MTREX: variants seen among roughly 807,000 people sequenced by gnomAD.
MTREX encodes Mtr4 exosome RNA helicase.
In MTREX, 76 loss-of-function variants were observed where a neutral mutation model predicts 135.4. The ratio of observed to expected loss-of-function variants is 0.56; its 90% CI spans 0.47 to 0.68. The LOEUF (loss-of-function observed/expected upper bound fraction) is 0.68. Ranked by LOEUF, MTREX falls within the 30% of genes least tolerant of loss-of-function variation. The probability of loss-of-function intolerance (pLI) is 0.00; values close to 1 mark genes in which losing one functional copy is unlikely to be tolerated. For synonymous variants in MTREX, 404 were observed against 401.6 expected, an observed-to-expected ratio of 1.01 and a Z score of -0.07; for missense variants, 920 against 1,262.1, an observed-to-expected ratio of 0.73 and a Z score of 4.11.
chr5:55,327,348 G>C (rs1749399435), intron 3 of MTREX, among the ~76,000 whole-genome samples: 1 of 151,938 alleles, frequency 6.6e-6, no homozygotes, highest in African/African-American at 2.4e-5. Flanking sequence ...GCCATTCCCT[G>C]TCAGCATATG....
At chr5:55,353,292 C>A in intron 14 of MTREX, 23 bp downstream of exon 14, 1 of 1,495,204 alleles carries the variant, frequency 6.7e-7, no homozygotes, top group Non-Finnish European at 9.2e-7. Context: ...ATTCATATAT[C>A]AAAATAATTT....
At chr5:55,341,096 A>G (rs1749641454) in intron 6 of MTREX, among the ~76,000 whole-genome samples, 2 of 152,226 alleles carry the variant, frequency 1.3e-5, no homozygotes, top group Admixed American at 1.3e-4. Context: ...AGAACCAGCC[A>G]AAAGCATTGC....
chr5:55,382,543 T>C (rs1486247053), intron 18 of MTREX, among the ~76,000 whole-genome samples: 1 of 152,212 alleles, frequency 6.6e-6, no homozygotes. Context: ...AATCCAGCAA[T>C]ACATTATTAT....
chr5:55,384,287 T>C (rs574212539), intron 18 of MTREX, among the ~76,000 whole-genome samples: 1 of 152,352 alleles, frequency 6.6e-6, no homozygotes, highest in East Asian at 1.9e-4. Context: ...AGATCTACTG[T>C]TGGGCTCCTC....
At chr5:55,327,142 G>C (rs1345681244) in intron 3 of MTREX, among the ~76,000 whole-genome samples, 1 of 152,184 alleles carries the variant, frequency 6.6e-6, no homozygotes, top group Non-Finnish European at 1.5e-5. Flanking sequence ...ATTGTGAATA[G>C]TGCTGCAATG....
intron 5 of MTREX, among the ~76,000 whole-genome samples, chr5:55,339,267 T>G: frequency 6.6e-6 from 1 of 152,234 alleles, no homozygotes; most frequent in Non-Finnish European, 1.5e-5. Flanking sequence ...CATTTCTGTA[T>G]TTTCTTTTTG....
At chr5:55,376,583 T>C (rs10471943) in intron 16 of MTREX, among the ~76,000 whole-genome samples, 21,324 of 152,194 alleles carry the variant, frequency 0.14, 1,887 homozygotes, top group East Asian at 0.26. Context: ...TTTTAGAATT[T>C]GCTGTAGCAC....
intron 21 of MTREX, among the ~76,000 whole-genome samples, chr5:55,403,207 A>AAAAAAC (rs892950529): frequency 1.3e-5 from 2 of 152,090 alleles, no homozygotes; most frequent in African/African-American, 4.8e-5. Flanking sequence ...TCTCTTTAAA[A>AAAAAAC]AAAAACAAAA....
chr5:55,395,793 T>C (rs1202513019), intron 19 of MTREX, among the ~76,000 whole-genome samples: 2 of 152,142 alleles, frequency 1.3e-5, no homozygotes, highest in Non-Finnish European at 2.9e-5. Flanking sequence ...TTTTATAAAA[T>C]AACCTATATT....
At chr5:55,345,236 A>G (rs1304510446) in intron 10 of MTREX, 40 bp downstream of exon 10, 6 of 1,285,042 alleles carry the variant, frequency 4.7e-6, no homozygotes, top group Non-Finnish European at 6.8e-6. Flanking sequence ...TTACATGTAA[A>G]TTGTATATTC....
intron 14 of MTREX, among the ~76,000 whole-genome samples, chr5:55,355,141 C>A (rs1442737140): frequency 6.6e-6 from 1 of 152,114 alleles, no homozygotes; most frequent in African/African-American, 2.4e-5. Context: ...CACAAAGCAA[C>A]CCTTTCCTTC....
At chr5:55,337,282 A>G (rs981518148) in intron 5 of MTREX, among the ~76,000 whole-genome samples, 9 of 151,856 alleles carry the variant, frequency 5.9e-5, no homozygotes, top group Admixed American at 5.9e-4. Flanking sequence ...TACCACACCC[A>G]GCTAATTTTT....
chr5:55,377,188 A>G (rs944725747), intron 16 of MTREX, among the ~76,000 whole-genome samples: 11 of 152,098 alleles, frequency 7.2e-5, no homozygotes, highest in South Asian at 6.2e-4. Flanking sequence ...TTAGCTGGGC[A>G]TGGTAGCGGG....
intron 5 of MTREX, among the ~76,000 whole-genome samples, chr5:55,338,285 G>C (rs1226261032): frequency 2.0e-5 from 3 of 152,050 alleles, no homozygotes; most frequent in Non-Finnish European, 4.4e-5. Context: ...GTTCCTGGTT[G>C]ACCGATTTTT....
chr5:55,309,283 G>T (rs976900701), intron 1 of MTREX, among the ~76,000 whole-genome samples: 7 of 152,140 alleles, frequency 4.6e-5, no homozygotes, highest in African/African-American at 1.2e-4. Context: ...GAGGAGTTTT[G>T]ATTTCATTTT....
intron 13 of MTREX, among the ~76,000 whole-genome samples, chr5:55,352,553 T>C (rs1179523475): frequency 6.6e-6 from 1 of 152,188 alleles, no homozygotes; most frequent in Non-Finnish European, 1.5e-5. Context: ...AAAAAAGTCA[T>C]TATACTACCC....
At chr5:55,352,760 C>T (rs938396560) in intron 13 of MTREX, among the ~76,000 whole-genome samples, 6 of 152,156 alleles carry the variant, frequency 3.9e-5, no homozygotes, top group Non-Finnish European at 1.5e-5. Context: ...ATTACAGAGT[C>T]AGTGATTCTA....
In MTREX at chr5:55,328,754, A is replaced by G. The variant is rs1749421893; in HGVS notation, c.458A>G (p.Asn153Ser). 6.8e-6 allele frequency: 11 copies of G among 1,613,736 alleles called. No homozygotes were observed. Among genetic ancestry groups the G allele is most frequent in the Non-Finnish European group, 8.5e-6 (10 of 1,179,732 alleles). ...AGAGAGGCCATTCAGTGTGTTGACA[A>G]TAATCAGTCTGTTCTAGTATCTGCA... ...FQREAIQCVDNNQSVLVSAHT... is the reference protein window; with the variant it reads ...FQREAIQCVDSNQSVLVSAHT... The change falls in exon 5 of 27, where the codon AAT (asparagine) becomes AGT (serine). Residue 153 changes from asparagine (N) to serine (S), a missense_variant. Physicochemically the swap from Asn to Ser is conservative, Grantham distance 46 (BLOSUM62 1). Transcript: ENST00000230640.
chr5:55,321,790 G>T (rs541112186), intron 1 of MTREX, among the ~76,000 whole-genome samples: 60 of 151,964 alleles, frequency 3.9e-4, no homozygotes, highest in African/African-American at 1.3e-3. Context: ...TGTATTTTTA[G>T]TAGAGATGGG....
Sources: gnomAD v4.1 joint callset for allele counts (sites outside exome capture counted in the v4.1 genomes callset) on GRCh38, gnomAD v4.1.1 for gene constraint, MANE v1.5 for transcripts, NCBI Gene and HGNC (gene_info 2026-07-23, HGNC 2026-07-21) for gene names.